The following MDM1 variants were observed in gnomAD, a reference collection of about 807,000 sequenced individuals.
MDM1 encodes Mdm1 nuclear protein.
Under a neutral mutation model 89.1 loss-of-function variants are expected in MDM1, and 61 were observed. The observed-to-expected ratio is 0.68, with a 90% CI of 0.56 to 0.85. MDM1 has a LOEUF of 0.85. MDM1 is among the 40% of genes least tolerant of loss of function. MDM1 has a pLI of 0.00. For synonymous variants in MDM1, 290 were observed against 294.1 expected (o/e 0.99, Z 0.14); for missense variants, 820 against 846.5 (o/e 0.97, Z 0.39).
chr12:68,296,942 A>C lies in MDM1; in HGVS notation c.2043T>G (p.His681Gln), dbSNP rs773006837. ...ARMNNLQLPQ[H>Q]EAFNDEDEDR... ...AAATACCTTCATCATTAAAGGCTTC[A>C]TGTTGAGGTAACTGCAAATTGTTCA... The change falls in exon 14 of 15, where the codon CAT (histidine) becomes CAG (glutamine). Residue 681 changes from histidine (H) to glutamine (Q), a missense_variant. His to Gln is a conservative substitution (Grantham distance 24, BLOSUM62 0). Coordinates refer to ENST00000682720, the MANE Select transcript of MDM1 (RefSeq NM_001354969.2). The C allele has an allele frequency of 1.3e-6, 2 of 1,592,398 alleles. No homozygotes were observed. The highest frequency in any genetic ancestry group is 1.7e-6 in the Non-Finnish European group (2 of 1,171,966).
intron 10 of MDM1, among the ~76,000 whole-genome samples, chr12:68,314,136 C>CAA (rs35410942): frequency 0.39 from 33,546 of 87,066 alleles, 5,517 homozygotes; most frequent in Non-Finnish European, 0.46. Context: ...AACTCCGTCT[C>CAA]AAAAAAAAAA....
At chr12:68,313,891 C>T in intron 10 of MDM1, 138 bp from the exon 11 acceptor site, 1 of 673,416 alleles carries the variant, frequency 1.5e-6, no homozygotes, top group Non-Finnish European at 2.5e-6. Context: ...CCCGTAATCC[C>T]AGCACTTTGG....
In MDM1 at chr12:68,331,134, A is replaced by G; in HGVS notation, c.106T>C (p.Trp36Arg). The G allele has an allele frequency of 6.2e-7, 1 of 1,607,420 alleles. No homozygotes were observed. Among genetic ancestry groups the G allele is most frequent in the East Asian group, 2.2e-5 (1 of 44,864 alleles). Residue 36 changes from tryptophan to arginine, a missense_variant, in exon 2 of 15, where the codon TGG (tryptophan) becomes CGG (arginine). By Grantham distance (101) the Trp-to-Arg change is moderately radical (BLOSUM62 -3). Transcript: ENST00000682720. ...CNSSVGRKYP[W>R]AGLRSDQLGI... The stretch of plus-strand genomic sequence containing the variant: ...AATTGATCTGATCTAAGTCCAGCCC[A>G]TGGGTACTTTCGCCCCACGGAGGAA...
rs1592931699 is a variant in MDM1 at position 68,295,298 on chromosome 12, C to A, written c.2131G>T (p.Ala711Ser). 1.2e-6 allele frequency: 2 copies of A among 1,612,934 alleles called. No individual in the cohort carries two copies. Among genetic ancestry groups the A allele is most frequent in the Non-Finnish European group, 8.5e-7 (1 of 1,179,376 alleles). Residue 711 changes from alanine to serine, a missense_variant, in exon 15 of 15, where the codon GCA becomes TCA. Coordinates refer to ENST00000682720, the MANE Select transcript of MDM1 (RefSeq NM_001354969.2). ...ASSLRAFQTL[A>S]RAKKRKENFW... is the part of the protein sequence containing the mutation. ...TTCTCCTTCCTTTTCTTAGCTCGTGCCAGAGTTTGAAAAGCCCGGAGACTA... is the reference window on the plus strand; with the variant it reads ...TTCTCCTTCCTTTTCTTAGCTCGTGACAGAGTTTGAAAAGCCCGGAGACTA...
At position 68,294,970 on chromosome 12, in the gene MDM1, T is replaced by A; in HGVS notation, c.*284A>T. 5.3e-6 allele frequency: 1 copy of A among 189,484 alleles called. No individual in the cohort carries two copies. The highest frequency in any genetic ancestry group is 1.1e-5 in the Non-Finnish European group (1 of 92,052). 11.7% of individuals were successfully genotyped at this position (189,484 alleles called of 1,614,324 possible). A position where few individuals can be genotyped will look rare whatever the true frequency, so the allele number is the denominator to read the frequency against. Reference sequence around the variant, plus strand: ...CTTTGTTTATTTTTTTAGAATACTCTCTGGATAGGTGAAAATCTATCCATG... The same window carrying A: ...CTTTGTTTATTTTTTTAGAATACTCACTGGATAGGTGAAAATCTATCCATG... On this transcript the variant is annotated 3_prime_UTR_variant, in exon 15 of 15. Coordinates refer to ENST00000682720, the MANE Select transcript of MDM1 (RefSeq NM_001354969.2).
At chr12:68,311,893 T>C (rs1344757706) in intron 12 of MDM1, among the ~76,000 whole-genome samples, 1 of 152,192 alleles carries the variant, frequency 6.6e-6, no homozygotes, top group African/African-American at 2.4e-5. Context: ...TTTATCAAGG[T>C]CACCAAAGAC....
chr12:68,296,262 G>A (rs1296913494), intron 14 of MDM1, among the ~76,000 whole-genome samples: 2 of 152,236 alleles, frequency 1.3e-5, no homozygotes, highest in African/African-American at 4.8e-5. Context: ...CACTTTGGGA[G>A]GCCAAGGTGG....
chr12:68,309,406 C>G (rs1238237010), intron 12 of MDM1, among the ~76,000 whole-genome samples: 1 of 152,186 alleles, frequency 6.6e-6, no homozygotes, highest in Non-Finnish European at 1.5e-5. Flanking sequence ...CAATTCCTTC[C>G]AGAATAGTGC....
Position 68,295,164 on chromosome 12 carries a change from G to A in MDM1, c.*90C>T. 1 of 766,434 alleles carries A rather than the reference G, an allele frequency of 1.3e-6. No individual in the cohort carries two copies. The highest frequency in any genetic ancestry group is 1.7e-5 in the South Asian group (1 of 57,624). 47.5% of individuals were successfully genotyped at this position (766,434 alleles called of 1,614,324 possible). On this transcript the variant is annotated 3_prime_UTR_variant, in exon 15 of 15. Transcript: ENST00000682720. ...AAATATTTCAAAGTAGAAAACGTTA[G>A]GAAAAACTTCACTCAAAAAATTTTA...
Position 68,315,016 on chromosome 12 carries a change from C to G in MDM1, c.1461G>C (p.Gln487His), listed in dbSNP as rs752031359. 6.2e-7 allele frequency: 1 copy of G among 1,614,014 alleles called. No individual in the cohort carries two copies. The highest frequency in any genetic ancestry group is 1.7e-5 in the Admixed American group (1 of 59,988). Residue 487 changes from glutamine to histidine, a missense_variant, in exon 10 of 15, where the codon CAG becomes CAC. Physicochemically the swap from Gln to His is conservative, Grantham distance 24 (BLOSUM62 0). Coordinates refer to ENST00000682720, the MANE Select transcript of MDM1 (RefSeq NM_001354969.2). ...EEEGDRKTGK[Q>H]AFMGEQEKLD... ...ACTTCTCTTGCTCTCCCATAAAAGC[C>G]TGCTTGCCCGTTTTCCTGTCCCCTT... is the stretch of plus-strand genomic sequence containing the variant.
rs60775283 is a variant in MDM1, at chr12:68,325,378, T to C, written c.633+63A>G. On this transcript the variant is annotated intron_variant, in intron 4 of 14. Coordinates refer to ENST00000682720, the MANE Select transcript of MDM1 (RefSeq NM_001354969.2). ...TAATTTCTTTCAACTCTTAATTCTA[T>C]GTAAATCTACATTACTAGATAAGAT... 2.1e-4 allele frequency: 301 copies of C among 1,415,330 alleles called. 1 individual carries two copies. In the Middle Eastern group the frequency reaches 3.4e-3, roughly 16 times the overall value. The allele number at this position is 1,415,330 out of a possible 1,614,324, so 87.7% of individuals were successfully genotyped here. A position where few individuals can be genotyped will look rare whatever the true frequency, so the allele number is the denominator to read the frequency against.
intron 12 of MDM1, among the ~76,000 whole-genome samples, chr12:68,304,577 G>T (rs1157326060): frequency 6.6e-6 from 1 of 152,056 alleles, no homozygotes; most frequent in African/African-American, 2.4e-5. Context: ...ATTCCAAAGA[G>T]AAATTGTTCT....
intron 8 of MDM1, 155 bp downstream of exon 8, chr12:68,316,426 C>G (rs1874515381): frequency 2.1e-6 from 2 of 930,716 alleles, no homozygotes; most frequent in Admixed American, 5.4e-5. Context: ...CTAAAACAAT[C>G]AAGCTAAAGC....
intron 7 of MDM1, among the ~76,000 whole-genome samples, chr12:68,318,685 A>C (rs1874817450): frequency 6.6e-6 from 1 of 152,244 alleles, no homozygotes; most frequent in Admixed American, 6.5e-5. Context: ...CAATCCCTAT[A>C]GCCAACTGCC....
In MDM1 at chr12:68,326,709, T is replaced by C. The variant is rs1416327502; in HGVS notation, c.446A>G (p.Asn149Ser). The change falls in exon 3 of 15, where the codon AAT (asparagine) becomes AGT (serine). Residue 149 changes from asparagine to serine, a missense_variant. Coordinates refer to ENST00000682720, the MANE Select transcript of MDM1 (RefSeq NM_001354969.2). ...CTTGGTAGAATGTTCCAGTTCCACA[T>C]TTTCATTAACTGGTGTATGGTTTGT... ...GVTNHTPVNE[N>S]VELEHSTKVL... 1 of 1,614,044 alleles carries C rather than the reference T, an allele frequency of 6.2e-7. No homozygotes were observed. The highest frequency in any genetic ancestry group is 1.3e-5 in the African/African-American group (1 of 74,932).
At chr12:68,315,839 C>T (rs1874412722) in intron 9 of MDM1, among the ~76,000 whole-genome samples, 1 of 152,034 alleles carries the variant, frequency 6.6e-6, no homozygotes, top group African/African-American at 2.4e-5. Context: ...CTATTAACTG[C>T]CAACAAAAAA....
chr12:68,327,142 A>G (rs1876119869), intron 2 of MDM1, 121 bp from the exon 3 acceptor site: 1 of 1,412,080 alleles, frequency 7.1e-7, no homozygotes, highest in Non-Finnish European at 9.2e-7. Context: ...ATGTACCTAT[A>G]TATACACACA....
intron 14 of MDM1, among the ~76,000 whole-genome samples, chr12:68,295,585 A>T (rs1357708845): frequency 6.6e-6 from 1 of 152,196 alleles, no homozygotes; most frequent in Non-Finnish European, 1.5e-5. Flanking sequence ...AAACCTTTTA[A>T]TCTTAACATT....
At position 68,321,571 on chromosome 12, in the gene MDM1, G is replaced by A. The variant is rs148344415; in HGVS notation, c.859C>T (p.His287Tyr). Residue 287 changes from histidine to tyrosine, a missense_variant, in exon 6 of 15, where the codon CAC (histidine) becomes TAC (tyrosine). By Grantham distance (83) the His-to-Tyr change is moderately conservative (BLOSUM62 2). Transcript: ENST00000682720. The part of the protein sequence containing the change: ...LEAEMELKDL[H>Y]QPKRKLTPWK... ...GGAGTAAGCTTCCTTTTAGGCTGGT[G>A]TAAGTCTTTTAATTCCATCTCTGCT... 6.2e-6 allele frequency: 10 copies of A among 1,613,094 alleles called. No homozygotes were observed. Among genetic ancestry groups the A allele is most frequent in the Non-Finnish European group, 7.6e-6 (9 of 1,179,768 alleles).
Sources: gnomAD v4.1 joint callset for allele counts (sites outside exome capture counted in the v4.1 genomes callset) on GRCh38, gnomAD v4.1.1 for gene constraint, MANE v1.5 for transcripts, NCBI Gene and HGNC (gene_info 2026-07-23, HGNC 2026-07-21) for gene names.